The following FHIT variants were observed in gnomAD, a reference collection of about 807,000 sequenced individuals.
The protein encoded by FHIT is bis(5'-adenosyl)-triphosphatase.
Under a neutral mutation model 17.9 loss-of-function variants are expected in FHIT, and 19 were observed. That is an observed-to-expected ratio of 1.06 (90% confidence interval 0.74 to 1.56). The LOEUF is 1.56. Ranked by LOEUF, FHIT falls within the 40% of genes most tolerant of loss-of-function variation. The probability of loss-of-function intolerance (pLI) is 0.00; values close to 1 mark genes in which losing one functional copy is unlikely to be tolerated. For synonymous variants in FHIT, 81 were observed against 69.7 expected, an observed-to-expected ratio of 1.16 and a Z score of -0.81; for missense variants, 248 against 189.2, an observed-to-expected ratio of 1.31 and a Z score of -1.82.
At chr3:60,595,247 C>G (rs374672517) in intron 4 of FHIT, among the ~76,000 whole-genome samples, 3 of 152,098 alleles carry the variant, frequency 2.0e-5, no homozygotes, top group South Asian at 2.1e-4. Flanking sequence ...ATTCAGGGGT[C>G]AGAGTGGCAG....
chr3:60,863,338 C>T lies in FHIT; in HGVS notation c.-110-41327G>A, dbSNP rs183087849. ...CTGCAGTCTCCAGTAAGAAACACAG[C>T]GCTGCTGATACCTCGATTTTAGCCC... On this transcript the variant is annotated intron_variant, in intron 3 of 9. Coordinates refer to ENST00000492590, the MANE Select transcript of FHIT (RefSeq NM_002012.4). 1.9e-4 allele frequency among the ~76,000 whole-genome samples: 29 copies of T among 152,286 alleles called. 1 individual carries two copies. Among genetic ancestry groups the T allele is most frequent in the Admixed American group, 1.6e-3 (24 of 15,284 alleles).
rs56924673 is a variant in FHIT at position 60,029,928 on chromosome 3, T to TGTGTGTGTGTGA, written c.104-15777_104-15776insTCACACACACAC. The stretch of plus-strand genomic sequence containing the variant: ...GTGTGTGTGTGTGTGTGTGTGTGTG[T>TGTGTGTGTGTGA]ACAAATGTGATGGCCTTGGTGCAGC... On this transcript the variant is annotated intron_variant, in intron 5 of 9. Transcript: ENST00000492590. 4.4e-3 allele frequency among the ~76,000 whole-genome samples: 660 copies of TGTGTGTGTGTGA among 151,014 alleles called. 13 individuals are homozygous for TGTGTGTGTGTGA. Among genetic ancestry groups the TGTGTGTGTGTGA allele is most frequent in the African/African-American group, 0.015 (616 of 40,870 alleles).
At chr3:60,761,390 G>A (rs1390177664) in intron 4 of FHIT, among the ~76,000 whole-genome samples, 2 of 152,092 alleles carry the variant, frequency 1.3e-5, no homozygotes, top group Non-Finnish European at 2.9e-5. Context: ...TTTTTATGTT[G>A]CTCTTCATGA....
chr3:60,154,681 GA>G (rs1202009171), intron 5 of FHIT, among the ~76,000 whole-genome samples: 3 of 152,104 alleles, frequency 2.0e-5, no homozygotes, highest in Admixed American at 2.0e-4. Context: ...CCAATGACAT[GA>G]CGGTTTCATA....
chr3:59,753,375 TTGTG>T (rs1202137814), intron 8 of FHIT, among the ~76,000 whole-genome samples: 2 of 152,196 alleles, frequency 1.3e-5, no homozygotes, highest in Non-Finnish European at 2.9e-5. Context: ...ATTTAAAAAA[TTGTG>T]TGTATGTCTC....
At chr3:59,879,594 A>C (rs1703312117) in intron 8 of FHIT, among the ~76,000 whole-genome samples, 1 of 152,172 alleles carries the variant, frequency 6.6e-6, no homozygotes, top group Non-Finnish European at 1.5e-5. Flanking sequence ...ACAAAACCGG[A>C]CTGCTCCAAA....
chr3:60,234,845 G>C (rs1314282405), intron 5 of FHIT, among the ~76,000 whole-genome samples: 1 of 152,136 alleles, frequency 6.6e-6, no homozygotes, highest in African/African-American at 2.4e-5. Context: ...ATTAGTGATA[G>C]GACACTGACT....
chr3:60,665,621 GAT>G (rs2040363588), intron 4 of FHIT, among the ~76,000 whole-genome samples: 2 of 151,882 alleles, frequency 1.3e-5, no homozygotes, highest in African/African-American at 4.8e-5. Flanking sequence ...ATATTTGTAT[GAT>G]ATATGTTTTT....
rs573076321 is a variant in FHIT at position 60,550,573 on chromosome 3, A to ACT, written c.-17-13595_-17-13594insAG. ...TTTCAAAATGCCAACTGCCTTTTCAAGATCTCACTTCATCAGTTACCTCTT... is the reference window on the plus strand; with the variant it reads ...TTTCAAAATGCCAACTGCCTTTTCAACTGATCTCACTTCATCAGTTACCTCTT... On this transcript the variant is annotated intron_variant, in intron 4 of 9. Coordinates refer to ENST00000492590, the MANE Select transcript of FHIT (RefSeq NM_002012.4). 8.5e-5 allele frequency among the ~76,000 whole-genome samples: 13 copies of ACT among 152,108 alleles called. No homozygotes were observed. The South Asian group carries it at 2.5e-3, about 29-fold the overall frequency.
intron 5 of FHIT, among the ~76,000 whole-genome samples, chr3:60,423,115 C>T (rs1272262769): frequency 6.6e-6 from 1 of 152,140 alleles, no homozygotes; most frequent in Non-Finnish European, 1.5e-5. Context: ...CACCAGCAGC[C>T]TCTCATGGCA....
intron 3 of FHIT, among the ~76,000 whole-genome samples, chr3:60,822,649 T>C (rs1294238245): frequency 6.6e-6 from 1 of 152,192 alleles, no homozygotes; most frequent in Non-Finnish European, 1.5e-5. Flanking sequence ...CAAACGGGTA[T>C]AATAATATTT....
chr3:60,632,592 G>A (rs1316266049), intron 4 of FHIT, among the ~76,000 whole-genome samples: 6 of 152,066 alleles, frequency 3.9e-5, no homozygotes, highest in African/African-American at 4.8e-5. Context: ...AAAACTAATC[G>A]GATGAAAATG....
In FHIT at chr3:60,576,949, T is replaced by TACACACACACACACACACAC. The variant is rs57891077; in HGVS notation, c.-17-39990_-17-39971dup. On this transcript the variant is annotated intron_variant, in intron 4 of 9. Transcript: ENST00000492590. ...AATTACATATTTGCATCCATTTGCA[T>TACACACACACACACACACAC]ACACACACACACACACACACACACA... is the stretch of plus-strand genomic sequence containing the variant. Among the ~76,000 whole-genome samples the TACACACACACACACACACAC allele has an allele frequency of 7.0e-4, 103 of 146,844 alleles. 1 individual carries two copies. The highest frequency in any genetic ancestry group is 1.7e-3 in the African/African-American group (68 of 39,984).
At chr3:60,913,866 C>T (rs1268698929) in intron 3 of FHIT, among the ~76,000 whole-genome samples, 1 of 152,200 alleles carries the variant, frequency 6.6e-6, no homozygotes, top group Non-Finnish European at 1.5e-5. Flanking sequence ...TCTCCTGCAG[C>T]ATGATCAGAC....
chr3:60,993,556 T>G (rs114489268), intron 3 of FHIT, among the ~76,000 whole-genome samples: 217 of 152,282 alleles, frequency 1.4e-3, no homozygotes, highest in Non-Finnish European at 2.6e-3. Flanking sequence ...ACCTCAGGCT[T>G]GCAAGGCAAT....
intron 3 of FHIT, among the ~76,000 whole-genome samples, chr3:60,976,563 G>A (rs1710261485): frequency 1.3e-5 from 2 of 152,148 alleles, no homozygotes; most frequent in South Asian, 4.2e-4. Flanking sequence ...AGACAAAGAG[G>A]TAGTCCCATT....
chr3:60,581,277 G>C (rs1002317358), intron 4 of FHIT, among the ~76,000 whole-genome samples: 5 of 152,072 alleles, frequency 3.3e-5, no homozygotes, highest in Admixed American at 6.6e-5. Flanking sequence ...GATTTAAAGA[G>C]GGTAAGTAAT....
chr3:60,994,646 G>T (rs1039086579), intron 3 of FHIT, among the ~76,000 whole-genome samples: 12 of 152,176 alleles, frequency 7.9e-5, no homozygotes, highest in Non-Finnish European at 1.6e-4. Flanking sequence ...TAAAGATCTT[G>T]GCACCGGAGA....
chr3:60,859,504 G>A (rs1378451875), intron 3 of FHIT, among the ~76,000 whole-genome samples: 7 of 152,010 alleles, frequency 4.6e-5, no homozygotes, highest in East Asian at 3.9e-4. Context: ...ACTGAGTTCC[G>A]ATCAATGGAA....
Sources: gnomAD v4.1 joint callset for allele counts (sites outside exome capture counted in the v4.1 genomes callset) on GRCh38, gnomAD v4.1.1 for gene constraint, MANE v1.5 for transcripts, NCBI Gene and HGNC (gene_info 2026-07-23, HGNC 2026-07-21) for gene names.